CENPM: variants seen among roughly 807,000 people sequenced by gnomAD.
CENPM encodes centromere protein M, also known as interphase centromere complex protein 39.
Under a neutral mutation model 19.6 loss-of-function variants are expected in CENPM, and 14 were observed. The ratio of observed to expected loss-of-function variants is 0.71; its 90% confidence interval spans 0.47 to 1.11. CENPM has a LOEUF of 1.11. Among genes scored for constraint, CENPM ranks in the 50% most tolerant of loss-of-function variants. CENPM has a pLI of 0.00. For missense variants in CENPM, 239 were observed against 228.4 expected, an observed-to-expected ratio of 1.05 and a Z score of -0.30; for synonymous variants, 114 against 101.5, an observed-to-expected ratio of 1.12 and a Z score of -0.74.
chr22:41,929,560 G>A, the CENPM span, among the ~76,000 whole-genome samples: 5 of 152,248 alleles, frequency 3.3e-5, no homozygotes, highest in African/African-American at 1.2e-4. Context: ...CTCAAGGCCA[G>A]AGAGAGTGGG....
Position 41,946,656 on chromosome 22 carries a change from G to C in CENPM, c.58-160C>G, listed in dbSNP as rs537407662. On this transcript the variant is annotated intron_variant, in intron 1 of 5. Transcript: ENST00000215980. ...GACCCCGCGAAGCGGCACGGGCTGGGGGCCTGAGGTTTGGACCCGCTGCAG... is the reference window on the plus strand; with the variant it reads ...GACCCCGCGAAGCGGCACGGGCTGGCGGCCTGAGGTTTGGACCCGCTGCAG... The C allele has an allele frequency of 2.9e-4, 184 of 645,148 alleles. 1 individual carries two copies. In the African/African-American group the frequency reaches 3.2e-3, roughly 11 times the overall value. 40.0% of individuals were successfully genotyped at this position (645,148 alleles called of 1,614,324 possible).
chr22:41,946,909 G>A (rs751017536), intron 1 of CENPM, 111 bp downstream of exon 1: 47 of 1,125,372 alleles, frequency 4.2e-5, no homozygotes, highest in African/African-American at 3.5e-4. Flanking sequence ...CCCCGCCCCC[G>A]CCACGGTAGC....
At chr22:41,945,163 T>C in intron 4 of CENPM, 62 bp downstream of exon 4, 3 of 1,611,034 alleles carry the variant, frequency 1.9e-6, no homozygotes, top group Non-Finnish European at 2.5e-6. Context: ...GCAAGAAGCC[T>C]ACGGCCGCCC....
downstream of CENPM, among the ~76,000 whole-genome samples, chr22:41,937,778 T>C (rs1234374999): frequency 6.6e-6 from 1 of 152,150 alleles, no homozygotes. Flanking sequence ...CCAGGTTCTA[T>C]AATAGCAGGG....
chr22:41,932,837 G>A, the CENPM span, among the ~76,000 whole-genome samples: 72 of 152,218 alleles, frequency 4.7e-4, no homozygotes, highest in Non-Finnish European at 8.8e-4. This position sits in a 1 kb window ranked among gnomAD's most constrained non-coding sequence, Gnocchi z 4.3. Flanking sequence ...CCTTGTGAAC[G>A]CAGAGGCCGA....
downstream of CENPM, among the ~76,000 whole-genome samples, chr22:41,936,419 T>G (rs2077684003): frequency 6.6e-6 from 1 of 152,230 alleles, no homozygotes; most frequent in South Asian, 2.1e-4. Flanking sequence ...TCTACGTGGC[T>G]GAAGTCCTCA....
the CENPM span, among the ~76,000 whole-genome samples, chr22:41,932,074 TAC>T: frequency 7.2e-5 from 11 of 152,040 alleles, no homozygotes; most frequent in African/African-American, 2.7e-4. The surrounding 1 kb of genome is among the most constrained non-coding windows in gnomAD (Gnocchi z 4.3). Flanking sequence ...CGTGTAGGTG[TAC>T]ACACAAACAG....
At chr22:41,943,802 A>AGTTTCTTT (rs2077766046) in intron 4 of CENPM, 101 bp from the exon 5 acceptor site, 6 of 1,014,790 alleles carry the variant, frequency 5.9e-6, no homozygotes, top group Non-Finnish European at 8.7e-6. Flanking sequence ...TCTGGGGCTC[A>AGTTTCTTT]GTTTCTTTCT....
chr22:41,937,021 G>A (rs1243054337), downstream of CENPM, among the ~76,000 whole-genome samples: 3 of 152,212 alleles, frequency 2.0e-5, no homozygotes, highest in East Asian at 3.8e-4. Context: ...TGAGGCCTGA[G>A]GCTGGTGGGC....
intron 5 of CENPM, chr22:41,940,062 C>T (rs1602386212): frequency 1.4e-6 from 1 of 708,998 alleles, no homozygotes; most frequent in Non-Finnish European, 2.6e-6. Context: ...ACTGATCCAG[C>T]CCCACCATTC....
intron 4 of CENPM, 121 bp downstream of exon 4, chr22:41,945,104 C>A: frequency 1.3e-6 from 2 of 1,558,486 alleles, no homozygotes; most frequent in Non-Finnish European, 1.7e-6. Context: ...CTCCGATAGG[C>A]CCCAGTGTGT....
Position 41,938,984 on chromosome 22 carries a change from C to T in CENPM, c.*72G>A. 1 of 1,565,220 alleles carries T rather than the reference C, an allele frequency of 6.4e-7. No homozygotes were observed. The highest frequency in any genetic ancestry group is 8.7e-7 in the Non-Finnish European group (1 of 1,150,526). ...CTGGGCCTGTCAAGCCCTGACTGGA[C>T]ATCCTCAACAGAGAATGTTTATGGA... On this transcript the variant is annotated 3_prime_UTR_variant, in exon 6 of 6. Transcript: ENST00000215980.
intron 5 of CENPM, among the ~76,000 whole-genome samples, chr22:41,940,533 G>A (rs1419377621): frequency 6.6e-6 from 1 of 152,118 alleles, no homozygotes; most frequent in African/African-American, 2.4e-5. Flanking sequence ...TTACAGGTGT[G>A]TGCCACCATG....
At chr22:41,943,233 AC>A (rs1437797980) in intron 5 of CENPM, among the ~76,000 whole-genome samples, 2 of 152,120 alleles carry the variant, frequency 1.3e-5, no homozygotes, top group African/African-American at 4.8e-5. Context: ...CCTCACAATC[AC>A]TTACACCCCA....
At chr22:41,939,928 A>G (rs1602386028) in intron 5 of CENPM, among the ~76,000 whole-genome samples, 2 of 144,720 alleles carry the variant, frequency 1.4e-5, no homozygotes, top group South Asian at 4.7e-4. Flanking sequence ...CTGTCTCTCT[A>G]TTTCTGCCCT....
intron 2 of CENPM, 159 bp from the exon 3 acceptor site, chr22:41,946,164 G>T: frequency 1.4e-6 from 1 of 707,944 alleles, no homozygotes; most frequent in Non-Finnish European, 2.5e-6. Flanking sequence ...CCAGCACAGA[G>T]GCAGGACAGG....
downstream of CENPM, among the ~76,000 whole-genome samples, chr22:41,934,157 G>A (rs561075336): frequency 3.3e-5 from 5 of 152,308 alleles, no homozygotes; most frequent in East Asian, 3.9e-4. Flanking sequence ...TCTGCTCACC[G>A]GGGGTGCAGG....
chr22:41,947,125 A>C lies in CENPM; in HGVS notation c.-49T>G, dbSNP rs1192938618. 3 of 1,592,478 alleles carry C rather than the reference A, an allele frequency of 1.9e-6. No individual in the cohort carries two copies. In the African/African-American group the frequency reaches 4.0e-5, roughly 21 times the overall value. On this transcript the variant is annotated 5_prime_UTR_variant, in exon 1 of 6. Coordinates refer to ENST00000215980, the MANE Select transcript of CENPM (RefSeq NM_024053.5). ...CTCCTGCGGTGCGCGCCGATCTTTC[A>C]AACCGCCCTGAGTCCAGCCCCTAGA...
chr22:41,938,999 A>G lies in CENPM; in HGVS notation c.*57T>C. On this transcript the variant is annotated 3_prime_UTR_variant, in exon 6 of 6. Transcript: ENST00000215980. ...CCTGACTGGACATCCTCAACAGAGA[A>G]TGTTTATGGAGTCAGCACGAAGCCA... 1 of 1,591,872 alleles carries G rather than the reference A, an allele frequency of 6.3e-7. No individual in the cohort carries two copies. Among genetic ancestry groups the G allele is most frequent in the Non-Finnish European group, 8.6e-7 (1 of 1,167,224 alleles).
Sources: allele counts gnomAD v4.1 joint callset (sites outside exome capture counted in the v4.1 genomes callset), GRCh38; gene constraint gnomAD v4.1.1; non-coding constraint Gnocchi (gnomAD v3.1); transcripts MANE v1.5; gene names NCBI Gene and HGNC (gene_info 2026-07-23, HGNC 2026-07-21).